Variants in GALM observed in about 807,000 individuals in gnomAD.
GALM encodes galactose mutarotase, also known as aldose 1-epimerase.
GALM carries 43 observed loss-of-function variants against 37.4 expected under a neutral mutation model. The ratio of observed to expected loss-of-function variants is 1.15; its 90% CI spans 0.90 to 1.48. The LOEUF (loss-of-function observed/expected upper bound fraction) is 1.48. GALM is among the 40% of genes most tolerant of loss of function. The probability of loss-of-function intolerance (pLI) is 0.00; values close to 1 mark genes in which losing one functional copy is unlikely to be tolerated. For missense variants in GALM, 456 were observed against 419.1 expected (o/e 1.09, Z -0.77); for synonymous variants, 199 against 170.6 (o/e 1.17, Z -1.30).
chr2:38,686,795 G>A (rs1163241765), intron 3 of GALM, among the ~76,000 whole-genome samples: 1 of 152,182 alleles, frequency 6.6e-6, no homozygotes, highest in African/African-American at 2.4e-5. Flanking sequence ...AAGGAGGCAG[G>A]CACCTAGGAA....
At chr2:38,689,336 G>A (rs1304381853) in intron 3 of GALM, among the ~76,000 whole-genome samples, 3 of 152,186 alleles carry the variant, frequency 2.0e-5, no homozygotes, top group Non-Finnish European at 2.9e-5. Flanking sequence ...CTGGGCTTCT[G>A]TCATGGAGCA....
chr2:38,716,770 G>A (rs1201118029), intron 4 of GALM, among the ~76,000 whole-genome samples: 1 of 152,152 alleles, frequency 6.6e-6, no homozygotes, highest in Non-Finnish European at 1.5e-5. Context: ...CTTGAGCCCA[G>A]GAGTTTGAGG....
intron 3 of GALM, among the ~76,000 whole-genome samples, chr2:38,684,162 T>G (rs951069508): frequency 6.6e-6 from 1 of 152,196 alleles, no homozygotes; most frequent in Non-Finnish European, 1.5e-5. Context: ...TTTGTTTGTT[T>G]TTTAAATTTA....
chr2:38,693,093 C>A (rs1665716690), intron 4 of GALM, among the ~76,000 whole-genome samples: 1 of 152,180 alleles, frequency 6.6e-6, no homozygotes, highest in Non-Finnish European at 1.5e-5. Context: ...ACATAGCTGA[C>A]TCACAGGTGT....
At chr2:38,728,243 A>G (rs1572545874) in intron 4 of GALM, among the ~76,000 whole-genome samples, 2 of 151,618 alleles carry the variant, frequency 1.3e-5, no homozygotes, top group South Asian at 4.2e-4. Flanking sequence ...AAAATACAAA[A>G]ATTAGCTGGG....
chr2:38,722,030 T>TCCCCCCCCCCCCCCCCCCCCCCCCCC (rs1491365976), intron 4 of GALM, among the ~76,000 whole-genome samples: 5 of 41,386 alleles, frequency 1.2e-4, no homozygotes, highest in African/African-American at 2.0e-4. Context: ...TGCCTTCCCT[T>TCCCCCCCCCCCCCCCCCCCCCCCCCC]CCCCCCCCCA....
intron 6 of GALM, 43 bp downstream of exon 6, chr2:38,731,952 G>T: frequency 6.6e-7 from 1 of 1,508,408 alleles, no homozygotes; most frequent in Non-Finnish European, 9.2e-7. Context: ...TTGTGTCCAA[G>T]GTCACACTGT....
chr2:38,707,148 G>A (rs2148446413), intron 4 of GALM, among the ~76,000 whole-genome samples: 2 of 152,186 alleles, frequency 1.3e-5, no homozygotes, highest in Middle Eastern at 6.8e-3. Flanking sequence ...ATTTGATCTT[G>A]AAATATTTGA....
Position 38,666,150 on chromosome 2 carries a change from C to G in GALM, c.-12C>G. On this transcript the variant is annotated 5_prime_UTR_variant, in exon 1 of 7. Coordinates refer to ENST00000272252, the MANE Select transcript of GALM (RefSeq NM_138801.3). The stretch of plus-strand genomic sequence containing the variant: ...AAGAGCGGGCAGTGGCTGCACACGC[C>G]AAACTTTCCCTATGGCTTCGGTGAC... The G allele has an allele frequency of 1.9e-6, 3 of 1,606,340 alleles. No individual in the cohort carries two copies. Among genetic ancestry groups the G allele is most frequent in the Non-Finnish European group, 1.7e-6 (2 of 1,175,808 alleles).
chr2:38,666,329 G>A lies in GALM; in HGVS notation c.168G>A (p.Val56=), dbSNP rs373073159. 5.0e-6 allele frequency: 8 copies of A among 1,612,562 alleles called. No homozygotes were observed. Among genetic ancestry groups the A allele is most frequent in the African/African-American group, 1.3e-5 (1 of 74,870 alleles). The change falls in exon 1 of 7, where the codon GTG becomes GTA. Residue 56 remains valine (V), a synonymous_variant. Coordinates refer to ENST00000272252, the MANE Select transcript of GALM (RefSeq NM_138801.3). ...KDRQGRASDV[V]LGFAELEGYL... is the part of the protein sequence containing the mutation. ...GGCAGGGGAGAGCCTCGGACGTGGT[G>A]CTTGGCTTCGCCGAGTTGGAAGGTG...
chr2:38,704,841 C>A (rs1016295255), intron 4 of GALM, among the ~76,000 whole-genome samples: 1 of 152,088 alleles, frequency 6.6e-6, no homozygotes, highest in Admixed American at 6.6e-5. Context: ...ACTCCAAGGA[C>A]CTCTCTTGGT....
intron 4 of GALM, among the ~76,000 whole-genome samples, chr2:38,694,022 A>C (rs150830454): frequency 6.6e-6 from 1 of 152,062 alleles, no homozygotes; most frequent in Non-Finnish European, 1.5e-5. Context: ...AATACAAAAC[A>C]TTTTTTTGAA....
chr2:38,712,366 A>G (rs966022155), intron 4 of GALM, among the ~76,000 whole-genome samples: 2 of 152,214 alleles, frequency 1.3e-5, no homozygotes, highest in African/African-American at 4.8e-5. Context: ...CCACTCAGAG[A>G]AGCCTAGAGA....
intron 1 of GALM, among the ~76,000 whole-genome samples, chr2:38,670,044 G>A (rs1321059800): frequency 6.6e-6 from 1 of 151,786 alleles, no homozygotes; most frequent in African/African-American, 2.4e-5. Context: ...TGTATTTTTA[G>A]TAGAGACGGG....
At chr2:38,675,642 C>T (rs997260882) in intron 1 of GALM, among the ~76,000 whole-genome samples, 2 of 149,460 alleles carry the variant, frequency 1.3e-5, no homozygotes, top group Non-Finnish European at 3.0e-5. Context: ...GGTCTCGGCT[C>T]ACTGCAAGCT....
intron 4 of GALM, among the ~76,000 whole-genome samples, chr2:38,713,252 T>C (rs1203781462): frequency 6.6e-6 from 1 of 152,174 alleles, no homozygotes; most frequent in Non-Finnish European, 1.5e-5. Flanking sequence ...CATGAAATCA[T>C]CAAGCAAACC....
chr2:38,689,726 C>G, intron 3 of GALM, 87 bp from the exon 4 acceptor site: 1 of 788,874 alleles, frequency 1.3e-6, no homozygotes, highest in South Asian at 1.8e-5. Context: ...TTGTCAATGC[C>G]TGAAAACATT....
At chr2:38,718,816 CT>C (rs1280421578) in intron 4 of GALM, among the ~76,000 whole-genome samples, 1 of 151,828 alleles carries the variant, frequency 6.6e-6, no homozygotes, top group African/African-American at 2.4e-5. Flanking sequence ...TGTTCCTCTT[CT>C]CAGAGAGTCA....
At chr2:38,711,305 G>A (rs775865147) in intron 4 of GALM, among the ~76,000 whole-genome samples, 14 of 152,080 alleles carry the variant, frequency 9.2e-5, no homozygotes, top group East Asian at 1.9e-4. Flanking sequence ...GATTACAGGC[G>A]CGCACCACCA....
Sources: gnomAD v4.1 joint callset for allele counts (sites outside exome capture counted in the v4.1 genomes callset) on GRCh38, gnomAD v4.1.1 for gene constraint, MANE v1.5 for transcripts, NCBI Gene and HGNC (gene_info 2026-07-23, HGNC 2026-07-21) for gene names.